Variants in KIAA1217 observed in about 807,000 individuals in gnomAD.
KIAA1217 encodes sickle tail protein homolog.
Under a neutral mutation model 163.9 loss-of-function variants are expected in KIAA1217, and 88 were observed. That is an observed-to-expected ratio of 0.54 (90% CI 0.45 to 0.64). The LOEUF is 0.64. KIAA1217 is among the 30% of genes least tolerant of loss of function. The pLI is 0.00. For missense variants in KIAA1217, 2,372 were observed against 2,475.0 expected, an observed-to-expected ratio of 0.96 and a Z score of 0.88; for synonymous variants, 903 against 923.1, an observed-to-expected ratio of 0.98 and a Z score of 0.39.
chr10:23,919,729 T>C (rs575636706), intron 1 of KIAA1217, among the ~76,000 whole-genome samples: 8 of 151,840 alleles, frequency 5.3e-5, no homozygotes, highest in Non-Finnish European at 8.8e-5. Context: ...TGGGAGCAGA[T>C]GACAGTGTTC....
At chr10:24,318,316 G>A (rs1180150192) in intron 2 of KIAA1217, among the ~76,000 whole-genome samples, 1 of 152,140 alleles carries the variant, frequency 6.6e-6, no homozygotes, top group Non-Finnish European at 1.5e-5. Context: ...ATTGAGTAAA[G>A]CAGATTATCT....
chr10:23,790,582 T>TATGTACATATATACATGTACATATATAC (rs1181870751), intron 1 of KIAA1217, among the ~76,000 whole-genome samples: 1 of 124,870 alleles, frequency 8.0e-6, no homozygotes, highest in African/African-American at 3.4e-5. Context: ...TACATATGTA[T>TATGTACATATATACATGTACATATATAC]ATGTACATAT....
At chr10:23,869,935 A>G (rs965495187) in intron 1 of KIAA1217, among the ~76,000 whole-genome samples, 1 of 152,168 alleles carries the variant, frequency 6.6e-6, no homozygotes, top group African/African-American at 2.4e-5. Flanking sequence ...TACCGCCAGC[A>G]TATGTAAACT....
chr10:24,531,724 C>G (rs1339880922), intron 14 of KIAA1217, 106 bp from the exon 15 acceptor site: 4 of 1,151,840 alleles, frequency 3.5e-6, no homozygotes, highest in Non-Finnish European at 3.6e-6. Flanking sequence ...ATGGAGAGAA[C>G]AGAAAATTTT....
intron 1 of KIAA1217, among the ~76,000 whole-genome samples, chr10:23,758,626 T>TC (rs1554787385): frequency 1.7e-5 from 2 of 116,920 alleles, no homozygotes; most frequent in Non-Finnish European, 3.3e-5. Flanking sequence ...CTTTCTTACT[T>TC]TCTCTCTCTC....
intron 1 of KIAA1217, among the ~76,000 whole-genome samples, chr10:23,941,982 T>A (rs1177651865): frequency 1.9e-5 from 2 of 106,014 alleles, no homozygotes; most frequent in Non-Finnish European, 4.2e-5. Context: ...TTCAACTGCC[T>A]GCTAGAACAA....
intron 1 of KIAA1217, among the ~76,000 whole-genome samples, chr10:23,980,189 C>G (rs116391458): frequency 0.01 from 1,594 of 152,242 alleles, 24 homozygotes; most frequent in African/African-American, 0.036. Context: ...GTCTAATGAC[C>G]TTGCCTGTCT....
chr10:24,229,006 G>A (rs180738986), intron 2 of KIAA1217, among the ~76,000 whole-genome samples: 1 of 152,116 alleles, frequency 6.6e-6, no homozygotes, highest in African/African-American at 2.4e-5. Context: ...TAGATCTCAG[G>A]GAGTCAGTTT....
At position 24,513,206 on chromosome 10, in the gene KIAA1217, C is replaced by T. The variant is rs147058864; in HGVS notation, c.2002-53C>T. 185 of 1,581,678 alleles carry T rather than the reference C, an allele frequency of 1.2e-4. No individual in the cohort carries two copies. The African/African-American group carries it at 1.9e-3, about 16-fold the overall frequency. ...CCGAAGACTTCAAGGCATTCACTCG[C>T]CTCCATTTCAGGCAGGCAGAGCCCA... On this transcript the variant is annotated intron_variant, in intron 9 of 20. Transcript: ENST00000376454.
At chr10:24,030,911 ATT>A (rs1305270458) in intron 2 of KIAA1217, among the ~76,000 whole-genome samples, 1 of 152,088 alleles carries the variant, frequency 6.6e-6, no homozygotes, top group Admixed American at 6.6e-5. Context: ...TCCATCTATC[ATT>A]GTTTCTTCAT....
chr10:23,795,093 C>T (rs566557386), intron 1 of KIAA1217, among the ~76,000 whole-genome samples: 2 of 152,344 alleles, frequency 1.3e-5, no homozygotes, highest in South Asian at 4.1e-4. Context: ...CCACCTCTTT[C>T]TCAACCAGTG....
chr10:24,280,776 C>G (rs1271882462), intron 2 of KIAA1217, among the ~76,000 whole-genome samples: 1 of 148,804 alleles, frequency 6.7e-6, no homozygotes, highest in Non-Finnish European at 1.5e-5. Context: ...CGCCACTGCA[C>G]TCCAGCCTGG....
At chr10:24,295,783 A>G (rs553681811) in intron 2 of KIAA1217, among the ~76,000 whole-genome samples, 1 of 151,994 alleles carries the variant, frequency 6.6e-6, no homozygotes, top group East Asian at 1.9e-4. Flanking sequence ...TCCTTCCTTC[A>G]CTAAGAAATC....
chr10:24,199,440 A>G (rs112870703), intron 2 of KIAA1217, among the ~76,000 whole-genome samples: 3,055 of 152,224 alleles, frequency 0.02, 41 homozygotes, highest in Non-Finnish European at 0.029. Context: ...CCTCTTAAAG[A>G]CCCCACCTTT....
At chr10:23,972,316 T>C (rs1845347857) in intron 1 of KIAA1217, among the ~76,000 whole-genome samples, 1 of 152,272 alleles carries the variant, frequency 6.6e-6, no homozygotes, top group Admixed American at 6.5e-5. Flanking sequence ...TGCACATGTA[T>C]GTTTATTGCA....
intron 1 of KIAA1217, among the ~76,000 whole-genome samples, chr10:23,980,451 T>C (rs2131411262): frequency 6.6e-6 from 1 of 152,104 alleles, no homozygotes; most frequent in Non-Finnish European, 1.5e-5. Flanking sequence ...ACATGTAGGG[T>C]TTCACTCATC....
At chr10:24,526,849 G>A (rs1432474047) in intron 13 of KIAA1217, among the ~76,000 whole-genome samples, 1 of 152,152 alleles carries the variant, frequency 6.6e-6, no homozygotes, top group African/African-American at 2.4e-5. Context: ...AAAAATAAAG[G>A]AGGGTTAGAA....
At chr10:23,998,108 C>T (rs929709392) in intron 1 of KIAA1217, among the ~76,000 whole-genome samples, 2 of 151,708 alleles carry the variant, frequency 1.3e-5, no homozygotes, top group Non-Finnish European at 2.9e-5. Flanking sequence ...TTCTCCTTTG[C>T]TTTCAAACAT....
rs535890304 is a variant in KIAA1217, at chr10:23,926,968, C to T, written c.-320-80257C>T. Among the ~76,000 whole-genome samples, 19 of 152,090 alleles carry T rather than the reference C, an allele frequency of 1.2e-4. No homozygotes were observed. In the South Asian group the frequency reaches 3.9e-3, roughly 32 times the overall value. On this transcript the variant is annotated intron_variant, in intron 1 of 18. Coordinates refer to the KIAA1217 transcript ENST00000376462. The stretch of plus-strand genomic sequence containing the variant: ...TGTTGCCCAGCCTGGAGTGCAGTCA[C>T]GTGATCTGGGCTCACTGCAGCCTCG...
Sources: gnomAD v4.1 joint callset for allele counts (sites outside exome capture counted in the v4.1 genomes callset) on GRCh38, gnomAD v4.1.1 for gene constraint, MANE v1.5 for transcripts, NCBI Gene and HGNC (gene_info 2026-07-23, HGNC 2026-07-21) for gene names.